CCN5: variants seen among roughly 807,000 people sequenced by gnomAD.
CCN5 encodes CCN family member 5.
Under a neutral mutation model 18.7 loss-of-function variants are expected in CCN5, and 17 were observed. The observed-to-expected ratio is 0.91, with a 90% CI of 0.62 to 1.36. The LOEUF (loss-of-function observed/expected upper bound fraction) is 1.36, where lower values mean the gene tolerates loss of function less well. CCN5 is among the 40% of genes most tolerant of loss of function. CCN5 has a pLI of 0.00. For synonymous variants in CCN5, 135 were observed against 145.2 expected (o/e 0.93, Z 0.50); for missense variants, 367 against 342.9 (o/e 1.07, Z -0.56).
intron 2 of CCN5, 118 bp from the exon 3 acceptor site, chr20:44,724,620 T>C (rs2065922029): frequency 6.7e-7 from 1 of 1,496,730 alleles, no homozygotes; most frequent in Non-Finnish European, 8.9e-7. Flanking sequence ...GCTGGAGCCC[T>C]GGGCAGGGCC....
At chr20:44,726,181 C>T (rs896716463) in intron 3 of CCN5, among the ~76,000 whole-genome samples, 4 of 152,154 alleles carry the variant, frequency 2.6e-5, no homozygotes, top group African/African-American at 9.7e-5. Context: ...GCACATGGTA[C>T]TATATCAGAG....
Position 44,727,405 on chromosome 20 carries a change from T to G in CCN5, c.*98T>G. The G allele has an allele frequency of 1.4e-6, 2 of 1,454,232 alleles. No homozygotes were observed. The highest frequency in any genetic ancestry group is 1.8e-6 in the Non-Finnish European group (2 of 1,098,854). 90.1% of individuals were successfully genotyped at this position (1,454,232 alleles called of 1,614,324 possible). A position where few individuals can be genotyped will look rare whatever the true frequency, so the allele number is the denominator to read the frequency against. Reference sequence around the variant, plus strand: ...TGGAAGATGGTCCGTGCCCAGGCCCTTGGCTGCAGGCAACACTTTAGCTTG... The same window carrying G: ...TGGAAGATGGTCCGTGCCCAGGCCCGTGGCTGCAGGCAACACTTTAGCTTG... On this transcript the variant is annotated 3_prime_UTR_variant, in exon 4 of 4. Coordinates refer to ENST00000190983, the MANE Select transcript of CCN5 (RefSeq NM_003881.4).
At chr20:44,720,755 A>AC (rs979238390) in intron 2 of CCN5, 8 of 152,568 alleles carry the variant, frequency 5.2e-5, no homozygotes, top group African/African-American at 1.9e-4. Context: ...TTCAGCAGTC[A>AC]CCCGAGCATG....
chr20:44,715,093 C>T (rs546804718), upstream of CCN5: 99 of 337,912 alleles, frequency 2.9e-4, no homozygotes, highest in Admixed American at 6.6e-4. Context: ...CACACACACA[C>T]GCGCACACAC....
intron 1 of CCN5, 43 bp from the exon 2 acceptor site, chr20:44,719,854 C>A (rs545841557): frequency 1.3e-6 from 2 of 1,584,828 alleles, no homozygotes; most frequent in Admixed American, 3.6e-5. Context: ...TCTCACTGCC[C>A]ACCTCGAAAG....
intron 1 of CCN5, 30 bp downstream of exon 1, chr20:44,715,480 GCTGA>G: frequency 2.5e-6 from 4 of 1,575,640 alleles, no homozygotes; most frequent in South Asian, 1.2e-5. Flanking sequence ...GGAATGCACT[GCTGA>G]CTATTTGGGT....
chr20:44,720,554 A>C, intron 2 of CCN5: 1 of 197,972 alleles, frequency 5.1e-6, no homozygotes, highest in East Asian at 1.7e-4. Context: ...CATCCTCACA[A>C]TAACCCTATG....
intron 1 of CCN5, among the ~76,000 whole-genome samples, chr20:44,717,702 C>T (rs1038834642): frequency 6.6e-6 from 1 of 151,834 alleles, no homozygotes; most frequent in Non-Finnish European, 1.5e-5. Flanking sequence ...TGGTGAAACC[C>T]CGTCTCTACT....
chr20:44,719,318 G>A (rs1304757599), intron 1 of CCN5, among the ~76,000 whole-genome samples: 1 of 152,224 alleles, frequency 6.6e-6, no homozygotes. Context: ...GAATGCTTAA[G>A]TAACTTCCTC....
chr20:44,715,284 T>C (rs902793430), upstream of CCN5: 30 of 884,150 alleles, frequency 3.4e-5, no homozygotes, highest in African/African-American at 4.7e-4. Flanking sequence ...CGCGCGCGTG[T>C]GTACTCGTGC....
chr20:44,715,277 G>A (rs1387788225), upstream of CCN5: 798 of 770,680 alleles, frequency 1.0e-3, 5 homozygotes, highest in African/African-American at 0.014. Context: ...GCGCGCGCGC[G>A]CGCGTGTGTA....
At chr20:44,725,934 T>C (rs2065933463) in intron 3 of CCN5, among the ~76,000 whole-genome samples, 1 of 152,148 alleles carries the variant, frequency 6.6e-6, no homozygotes. Flanking sequence ...AAGAGGAGGA[T>C]TGATTTCATA....
intron 1 of CCN5, 60 bp from the exon 2 acceptor site, chr20:44,719,837 G>A: frequency 1.9e-6 from 3 of 1,540,862 alleles, no homozygotes; most frequent in Non-Finnish European, 2.6e-6. Context: ...GTGGCTGGTT[G>A]TGAGGGTCTC....
chr20:44,724,652 C>G, intron 2 of CCN5, 86 bp from the exon 3 acceptor site: 2 of 1,574,892 alleles, frequency 1.3e-6, no homozygotes, highest in Non-Finnish European at 1.7e-6. Flanking sequence ...AGGCAGCTGC[C>G]TCAGGCAGCG....
intron 1 of CCN5, among the ~76,000 whole-genome samples, chr20:44,718,728 C>T (rs1032610542): frequency 2.6e-5 from 4 of 152,172 alleles, no homozygotes; most frequent in African/African-American, 7.2e-5. Flanking sequence ...AGCCCTGAAT[C>T]GAACACACTG....
intron 1 of CCN5, among the ~76,000 whole-genome samples, chr20:44,717,937 TA>T (rs1289597641): frequency 6.6e-6 from 1 of 151,878 alleles, no homozygotes; most frequent in Admixed American, 6.6e-5. Flanking sequence ...TCGGATTTAT[TA>T]TATAAAAATT....
chr20:44,719,571 T>C (rs1461742993), intron 1 of CCN5, among the ~76,000 whole-genome samples: 1 of 152,140 alleles, frequency 6.6e-6, no homozygotes, highest in Admixed American at 6.5e-5. Context: ...CGAGAGTCGC[T>C]TGAACCCAGG....
chr20:44,725,600 A>G (rs2065931089), intron 3 of CCN5, among the ~76,000 whole-genome samples: 1 of 152,124 alleles, frequency 6.6e-6, no homozygotes, highest in Non-Finnish European at 1.5e-5. Context: ...GGGTTAGGGT[A>G]TGTGAACCAA....
At chr20:44,718,527 G>C (rs1197598883) in intron 1 of CCN5, among the ~76,000 whole-genome samples, 1 of 152,198 alleles carries the variant, frequency 6.6e-6, no homozygotes, top group Admixed American at 6.5e-5. Context: ...CAAATGGGCA[G>C]ACAGGGAGCT....
Sources: allele counts gnomAD v4.1 joint callset (sites outside exome capture counted in the v4.1 genomes callset), GRCh38; gene constraint gnomAD v4.1.1; transcripts MANE v1.5; gene names NCBI Gene and HGNC (gene_info 2026-07-23, HGNC 2026-07-21).